Variants in ATF7 observed in about 807,000 individuals in gnomAD.
ATF7 encodes the protein cyclic AMP-dependent transcription factor ATF-7.
A neutral mutation model predicts 50.4 loss-of-function variants in ATF7; 10 were observed. That is an observed-to-expected ratio of 0.20 (90% CI 0.12 to 0.34). The LOEUF is 0.34. Among genes scored for constraint, ATF7 ranks in the 10% least tolerant of loss-of-function variants. ATF7 has a pLI of 1.00. For missense variants in ATF7, 465 were observed against 613.9 expected (o/e 0.76, Z 2.56); for synonymous variants, 201 against 226.4 (o/e 0.89, Z 1.01).
In ATF7 at chr12:53,611,711, C is replaced by A. The variant is rs138611217; in HGVS notation, c.-21-10690G>T. ...GTTCAAGCAATTCTCATTCCTCAGCCTCCTGAATAGCTGAGATTACAGGCA... is the reference window on the plus strand; with the variant it reads ...GTTCAAGCAATTCTCATTCCTCAGCATCCTGAATAGCTGAGATTACAGGCA... On this transcript the variant is annotated intron_variant, in intron 1 of 11. Coordinates refer to ENST00000420353, the MANE Select transcript of ATF7 (RefSeq NM_006856.3). Among the ~76,000 whole-genome samples the A allele has an allele frequency of 5.3e-5, 8 of 152,164 alleles. No individual in the cohort carries two copies. The East Asian group carries it at 1.4e-3, about 26-fold the overall frequency.
At chr12:53,576,164 C>G (rs978371795) in intron 2 of ATF7, 1 of 152,250 alleles carries the variant, frequency 6.6e-6, no homozygotes, top group Admixed American at 6.6e-5. Flanking sequence ...GGATATATCA[C>G]GAAGGCAGAA....
At chr12:53,554,546 C>A (rs1038757387) in intron 2 of ATF7, among the ~76,000 whole-genome samples, 2 of 151,904 alleles carry the variant, frequency 1.3e-5, no homozygotes, top group Non-Finnish European at 2.9e-5. Context: ...CATGATTACA[C>A]CACTGTACTC....
intron 2 of ATF7, among the ~76,000 whole-genome samples, chr12:53,557,147 A>T (rs1457513462): frequency 1.6e-4 from 24 of 152,190 alleles, no homozygotes; most frequent in Non-Finnish European, 1.5e-5. Flanking sequence ...GGGACTCCCC[A>T]AAATATTTCC....
intron 2 of ATF7, among the ~76,000 whole-genome samples, chr12:53,560,500 C>T (rs1026654581): frequency 6.6e-6 from 1 of 152,176 alleles, no homozygotes; most frequent in Admixed American, 6.5e-5. Flanking sequence ...AGGAATCTAA[C>T]AGTTTCAAGC....
At chr12:53,607,083 T>A in intron 1 of ATF7, among the ~76,000 whole-genome samples, 1 of 152,182 alleles carries the variant, frequency 6.6e-6, no homozygotes, top group Non-Finnish European at 1.5e-5. Flanking sequence ...TATCCAGTAA[T>A]GGGATGGCTG....
intron 3 of ATF7, among the ~76,000 whole-genome samples, chr12:53,546,740 G>A (rs1460743342): frequency 6.6e-6 from 1 of 150,990 alleles, no homozygotes; most frequent in Non-Finnish European, 1.5e-5. Context: ...ATGAGCCACC[G>A]CACCTGGCCT....
chr12:53,529,013 G>A (rs1938677221), intron 9 of ATF7, among the ~76,000 whole-genome samples: 1 of 152,028 alleles, frequency 6.6e-6, no homozygotes, highest in Non-Finnish European at 1.5e-5. Flanking sequence ...GCTGAGGCGG[G>A]AGGACTGCTT....
At chr12:53,510,928 C>G (rs1944115650), downstream of ATF7, among the ~76,000 whole-genome samples, 2 of 152,258 alleles carry the variant, frequency 1.3e-5, no homozygotes, top group Non-Finnish European at 2.9e-5. Context: ...TCTTACCCTT[C>G]TCTGGACACC....
At chr12:53,554,657 G>A (rs1940597305) in intron 2 of ATF7, among the ~76,000 whole-genome samples, 1 of 151,368 alleles carries the variant, frequency 6.6e-6, no homozygotes, top group Non-Finnish European at 1.5e-5. Context: ...AAGGTAAGGA[G>A]TTCGAGGCCA....
At position 53,516,311 on chromosome 12, in the gene ATF7, T is replaced by C. The variant is rs1201808041; in HGVS notation, c.*826A>G. ...AGATTCTGGGCCCTTCCCTTTTCAC[T>C]ACCAAGCAATCTTTAATAATAAGGC... is the stretch of plus-strand genomic sequence containing the variant. On this transcript the variant is annotated 3_prime_UTR_variant, in exon 12 of 12. Coordinates refer to ENST00000420353, the MANE Select transcript of ATF7 (RefSeq NM_006856.3). 1 of 152,146 alleles carries C rather than the reference T, an allele frequency of 6.6e-6. No individual in the cohort carries two copies. Among genetic ancestry groups the C allele is most frequent in the African/African-American group, 2.4e-5 (1 of 41,412 alleles). 9.4% of individuals were successfully genotyped at this position (152,146 alleles called of 1,614,324 possible).
chr12:53,543,450 T>A lies in ATF7; in HGVS notation c.146-2A>T. On this transcript the variant is annotated splice_acceptor_variant, in intron 3 of 11. Coordinates refer to ENST00000420353, the MANE Select transcript of ATF7 (RefSeq NM_006856.3). LOFTEE classifies it high-confidence loss of function. ...ATCTAGTTGGAGTAGGCGTTTGATC[T>A]GTAGACATGAAAGAAAAGGAAACTG... is the stretch of plus-strand genomic sequence containing the variant. The A allele has an allele frequency of 6.3e-7, 1 of 1,579,536 alleles. No homozygotes were observed. The highest frequency in any genetic ancestry group is 8.6e-7 in the Non-Finnish European group (1 of 1,162,910).
At chr12:53,574,951 G>GA in intron 2 of ATF7, 2 of 205,628 alleles carry the variant, frequency 9.7e-6, no homozygotes, top group Admixed American at 5.7e-5. Flanking sequence ...TTGAGCTTAA[G>GA]CCAAAAAAAA....
chr12:53,600,016 A>G (rs555308210), intron 2 of ATF7, among the ~76,000 whole-genome samples: 1 of 152,358 alleles, frequency 6.6e-6, no homozygotes, highest in South Asian at 2.1e-4. Context: ...ATGACATACA[A>G]TATACACATA....
intron 3 of ATF7, among the ~76,000 whole-genome samples, chr12:53,549,138 T>A (rs1940144517): frequency 6.6e-6 from 1 of 150,940 alleles, no homozygotes; most frequent in Non-Finnish European, 1.5e-5. Flanking sequence ...TACAAAAAAA[T>A]TAGCCAGGTG....
intron 1 of ATF7, among the ~76,000 whole-genome samples, chr12:53,624,621 A>C (rs944243862): frequency 1.3e-5 from 2 of 152,242 alleles, no homozygotes; most frequent in African/African-American, 4.8e-5. Context: ...CAGACATGTT[A>C]CATTTCGCAA....
At position 53,524,242 on chromosome 12, in the gene ATF7, A is replaced by C. The variant is rs770315072; in HGVS notation, c.1125+322T>G. Among the ~76,000 whole-genome samples, 1 of 152,162 alleles carries C rather than the reference A, an allele frequency of 6.6e-6. No individual in the cohort carries two copies. Among genetic ancestry groups the C allele is most frequent in the African/African-American group, 2.4e-5 (1 of 41,450 alleles). On this transcript the variant is annotated intron_variant, in intron 10 of 11. Transcript: ENST00000420353. This position sits in a 1 kb window ranked among gnomAD's most constrained non-coding sequence, Gnocchi z 4.6. ...TTAAGCTGCATTATCTAGGGCAAACACATTTCCCTTTTGGTTTTCATGACC... is the reference window on the plus strand; with the variant it reads ...TTAAGCTGCATTATCTAGGGCAAACCCATTTCCCTTTTGGTTTTCATGACC...
chr12:53,577,638 C>T (rs1942157322), intron 2 of ATF7, among the ~76,000 whole-genome samples: 1 of 151,174 alleles, frequency 6.6e-6, no homozygotes, highest in Non-Finnish European at 1.5e-5. Flanking sequence ...ATGGCGTGAA[C>T]CCGGGAGGCG....
At chr12:53,548,158 T>G (rs1940074202) in intron 3 of ATF7, among the ~76,000 whole-genome samples, 1 of 152,170 alleles carries the variant, frequency 6.6e-6, no homozygotes, top group African/African-American at 2.4e-5. Context: ...TGAGGCACTG[T>G]GCCCGGCCTG....
intron 9 of ATF7, 103 bp downstream of exon 9, chr12:53,531,641 G>T: frequency 7.7e-7 from 1 of 1,299,888 alleles, no homozygotes. Flanking sequence ...AAGAAACCCA[G>T]AAAGCTGAAG....
Sources: gnomAD v4.1 joint callset for allele counts (sites outside exome capture counted in the v4.1 genomes callset) on GRCh38, gnomAD v4.1.1 for gene constraint, Gnocchi (gnomAD v3.1) non-coding constraint, MANE v1.5 for transcripts, NCBI Gene and HGNC (gene_info 2026-07-23, HGNC 2026-07-21) for gene names.